The following PSEN1 variants were observed in gnomAD, a reference collection of about 807,000 sequenced individuals.
The protein encoded by PSEN1 is presenilin 1, also known as presenilin-1.
A neutral mutation model predicts 53.5 loss-of-function variants in PSEN1; 15 were observed. The ratio of observed to expected loss-of-function variants is 0.28; its 90% CI spans 0.19 to 0.43. The LOEUF is 0.43. Ranked by LOEUF, PSEN1 falls within the 20% of genes least tolerant of loss-of-function variation. The probability of loss-of-function intolerance (pLI) is 1.00; values close to 1 mark genes in which losing one functional copy is unlikely to be tolerated. For synonymous variants in PSEN1, 208 were observed against 209.8 expected, an observed-to-expected ratio of 0.99 and a Z score of 0.08; for missense variants, 387 against 571.2, an observed-to-expected ratio of 0.68 and a Z score of 3.29.
intron 3 of PSEN1, among the ~76,000 whole-genome samples, chr14:73,148,324 T>C (rs561905167): frequency 2.1e-4 from 32 of 152,342 alleles, no homozygotes; most frequent in Admixed American, 1.6e-3. Flanking sequence ...ACCACCTCAG[T>C]TGAAGCCTTC....
At chr14:73,182,339 A>G (rs185954734) in intron 5 of PSEN1, among the ~76,000 whole-genome samples, 92 of 152,098 alleles carry the variant, frequency 6.0e-4, no homozygotes, top group African/African-American at 2.1e-3. Flanking sequence ...AAAAAAATTA[A>G]AAAATTAGCC....
intron 3 of PSEN1, among the ~76,000 whole-genome samples, chr14:73,170,296 C>T (rs1897847890): frequency 6.6e-6 from 1 of 152,210 alleles, no homozygotes; most frequent in African/African-American, 2.4e-5. Context: ...TACCTAACCT[C>T]CTGCAAATGC....
intron 6 of PSEN1, chr14:73,189,727 G>A (rs1292995706): frequency 6.3e-6 from 1 of 158,670 alleles, no homozygotes; most frequent in Middle Eastern, 1.3e-3. Flanking sequence ...AAATATCTAC[G>A]AGTAAACAAG....
chr14:73,142,705 G>A (rs1896961803), intron 1 of PSEN1, among the ~76,000 whole-genome samples: 1 of 152,168 alleles, frequency 6.6e-6, no homozygotes, highest in South Asian at 2.1e-4. Context: ...TGAGTAGAAG[G>A]TTTTCTGGTT....
intron 9 of PSEN1, among the ~76,000 whole-genome samples, chr14:73,206,917 C>G (rs957194735): frequency 6.6e-6 from 1 of 152,090 alleles, no homozygotes; most frequent in Admixed American, 6.6e-5. Flanking sequence ...ATGAGAACCT[C>G]TTGTCTAACA....
At chr14:73,146,672 T>A (rs1432286203) in intron 1 of PSEN1, among the ~76,000 whole-genome samples, 4 of 152,208 alleles carry the variant, frequency 2.6e-5, no homozygotes, top group Admixed American at 2.6e-4. Flanking sequence ...GAAAAATTAC[T>A]TTATGCATTT....
At chr14:73,212,117 T>G (rs900333126) in intron 10 of PSEN1, among the ~76,000 whole-genome samples, 175 bp downstream of exon 10, 2 of 93,864 alleles carry the variant, frequency 2.1e-5, no homozygotes, top group African/African-American at 9.7e-5. Context: ...TTTTTTTTTT[T>G]TTTTTTTTTT....
chr14:73,178,269 G>A (rs1391694915), intron 5 of PSEN1, among the ~76,000 whole-genome samples: 2 of 148,082 alleles, frequency 1.4e-5, no homozygotes, highest in Non-Finnish European at 3.0e-5. Context: ...ACCCAGGCTG[G>A]AGTGCAGTGA....
At chr14:73,160,369 T>A (rs1479120641) in intron 3 of PSEN1, among the ~76,000 whole-genome samples, 2 of 152,260 alleles carry the variant, frequency 1.3e-5, no homozygotes, top group Admixed American at 6.5e-5. Context: ...ACATATCTGT[T>A]TGAGGTCTTG....
At chr14:73,138,697 ACC>A (rs1896821107) in intron 1 of PSEN1, among the ~76,000 whole-genome samples, 1 of 149,498 alleles carries the variant, frequency 6.7e-6, no homozygotes, top group South Asian at 2.1e-4. Context: ...GCGGTGGCTC[ACC>A]CCTGTAATCC....
intron 8 of PSEN1, 152 bp from the exon 9 acceptor site, chr14:73,206,234 G>T: frequency 2.9e-6 from 2 of 686,128 alleles, no homozygotes; most frequent in Non-Finnish European, 2.7e-6. Context: ...AAACCAAAGA[G>T]AACCTTTTTT....
In PSEN1 at chr14:73,206,367, A is replaced by G; in HGVS notation, c.869-19A>G. 6.2e-7 allele frequency: 1 copy of G among 1,605,596 alleles called. No individual in the cohort carries two copies. The highest frequency in any genetic ancestry group is 8.5e-7 in the Non-Finnish European group (1 of 1,172,314). ...TTTGTGTGTCCAGTGCTTACCTGGA[A>G]TTTTGTCTTTCCCAACAGCAACAAT... On this transcript the variant is annotated intron_variant, in intron 8 of 11. Coordinates refer to ENST00000324501, the MANE Select transcript of PSEN1 (RefSeq NM_000021.4).
chr14:73,199,550 A>G (rs1473354702), intron 8 of PSEN1, among the ~76,000 whole-genome samples: 4 of 152,304 alleles, frequency 2.6e-5, no homozygotes, highest in African/African-American at 9.6e-5. Flanking sequence ...TTTATTTTCT[A>G]TCACAGACAG....
chr14:73,189,241 G>C (rs895076574), intron 6 of PSEN1, among the ~76,000 whole-genome samples: 1 of 152,188 alleles, frequency 6.6e-6, no homozygotes, highest in African/African-American at 2.4e-5. Flanking sequence ...TGTTTACTTT[G>C]TTTTAGAACT....
chr14:73,209,604 T>C (rs761195349), intron 9 of PSEN1, among the ~76,000 whole-genome samples: 1 of 151,886 alleles, frequency 6.6e-6, no homozygotes, highest in South Asian at 2.1e-4. Context: ...TTTGGAGAGA[T>C]AGATGGTCAA....
At chr14:73,150,913 C>T (rs1336611876) in intron 3 of PSEN1, among the ~76,000 whole-genome samples, 1 of 151,226 alleles carries the variant, frequency 6.6e-6, no homozygotes, top group Admixed American at 6.6e-5. Context: ...TAAAAAAATA[C>T]AAAAATTAGC....
intron 7 of PSEN1, 60 bp downstream of exon 7, chr14:73,192,924 T>C (rs1898785461): frequency 6.3e-6 from 8 of 1,272,598 alleles, no homozygotes; most frequent in Non-Finnish European, 9.2e-6. Context: ...GTGTTTTCTT[T>C]CCTCATCTCT....
In PSEN1 at chr14:73,201,850, A is replaced by G. The variant is rs547891259; in HGVS notation, c.868+3721A>G. Among the ~76,000 whole-genome samples the G allele has an allele frequency of 1.1e-4, 17 of 152,050 alleles. No homozygotes were observed. The East Asian group carries it at 3.1e-3, about 28-fold the overall frequency. On this transcript the variant is annotated intron_variant, in intron 8 of 11. Transcript: ENST00000324501. ...CAACCCCCGCCTCCCAAGTTCAAGC[A>G]ATGGTCCTGTCTCAGCCTCCGGAGT...
At chr14:73,177,124 C>T (rs924007563) in intron 5 of PSEN1, among the ~76,000 whole-genome samples, 7 of 152,178 alleles carry the variant, frequency 4.6e-5, no homozygotes, top group Non-Finnish European at 7.3e-5. Flanking sequence ...CTAAAGCTAA[C>T]CAGCCATGAC....
Sources: allele counts gnomAD v4.1 joint callset (sites outside exome capture counted in the v4.1 genomes callset), GRCh38; gene constraint gnomAD v4.1.1; transcripts MANE v1.5; gene names NCBI Gene and HGNC (gene_info 2026-07-23, HGNC 2026-07-21).